CREB5: variants seen among roughly 807,000 people sequenced by gnomAD.
The protein encoded by CREB5 is cyclic AMP-responsive element-binding protein 5.
In CREB5, 19 loss-of-function variants were observed where a neutral mutation model predicts 57.1. The observed-to-expected ratio is 0.33, with a 90% CI of 0.23 to 0.49. The LOEUF (loss-of-function observed/expected upper bound fraction) is 0.49. CREB5 is among the 20% of genes least tolerant of loss of function. The pLI is 0.99. For missense variants in CREB5, 579 were observed against 671.6 expected (o/e 0.86, Z 1.52); for synonymous variants, 238 against 238.3 (o/e 1.00, Z 0.01).
At chr7:28,319,719 G>A (rs572257184) in intron 1 of CREB5, among the ~76,000 whole-genome samples, 111 of 152,146 alleles carry the variant, frequency 7.3e-4, no homozygotes, top group African/African-American at 2.6e-3. Context: ...GAGCATCCCC[G>A]AAGTCTGTGT....
intron 5 of CREB5, among the ~76,000 whole-genome samples, chr7:28,703,891 T>C (rs1351889769): frequency 6.6e-6 from 1 of 152,162 alleles, no homozygotes; most frequent in Non-Finnish European, 1.5e-5. Flanking sequence ...CAAGTTGACA[T>C]AAAACCTACC....
At chr7:28,562,801 T>G (rs1204386225) in intron 4 of CREB5, among the ~76,000 whole-genome samples, 1 of 152,264 alleles carries the variant, frequency 6.6e-6, no homozygotes, top group African/African-American at 2.4e-5. Flanking sequence ...AGATATACTG[T>G]TGTATATTTC....
intron 1 of CREB5, among the ~76,000 whole-genome samples, chr7:28,327,549 T>C (rs1474126182): frequency 6.6e-6 from 1 of 152,262 alleles, no homozygotes; most frequent in Admixed American, 6.5e-5. Flanking sequence ...TGTGTTAAGA[T>C]ACTTATTAAT....
intron 5 of CREB5, among the ~76,000 whole-genome samples, chr7:28,700,553 C>T (rs1801801533): frequency 6.6e-6 from 1 of 152,128 alleles, no homozygotes; most frequent in Admixed American, 6.5e-5. Context: ...AGCTGTGTTT[C>T]TGTTGGATCG....
intron 1 of CREB5, among the ~76,000 whole-genome samples, chr7:28,388,168 A>T (rs994739097): frequency 1.3e-5 from 2 of 152,178 alleles, no homozygotes; most frequent in Admixed American, 6.5e-5. Flanking sequence ...AGTCCACATT[A>T]GATTAATTTG....
At chr7:28,615,907 C>A (rs1239387339) in intron 5 of CREB5, 1 of 152,184 alleles carries the variant, frequency 6.6e-6, no homozygotes, top group Admixed American at 6.5e-5. Flanking sequence ...ATGTCATTGT[C>A]ACTGGTATTT....
intron 1 of CREB5, among the ~76,000 whole-genome samples, chr7:28,463,443 A>G (rs185712134): frequency 1.8e-4 from 28 of 152,316 alleles, no homozygotes; most frequent in African/African-American, 6.5e-4. Context: ...TTTTAGGATC[A>G]GTTTGCCAAT....
intron 5 of CREB5, among the ~76,000 whole-genome samples, chr7:28,703,251 G>A (rs551932892): frequency 8.5e-5 from 13 of 152,168 alleles, no homozygotes; most frequent in Non-Finnish European, 1.5e-4. Flanking sequence ...TGGCAGTAGG[G>A]ATGGAGCCAA....
At chr7:28,791,772 C>G (rs1023527760) in intron 7 of CREB5, among the ~76,000 whole-genome samples, 1 of 152,132 alleles carries the variant, frequency 6.6e-6, no homozygotes, top group African/African-American at 2.4e-5. Flanking sequence ...ATGCCATTTT[C>G]AATTAATAAA....
At chr7:28,541,823 A>C (rs561313162) in intron 4 of CREB5, among the ~76,000 whole-genome samples, 99 of 152,328 alleles carry the variant, frequency 6.5e-4, no homozygotes, top group Middle Eastern at 6.8e-3. Flanking sequence ...TTACTTAACC[A>C]GTTAACAACT....
At chr7:28,678,957 A>C (rs1800458238) in intron 5 of CREB5, among the ~76,000 whole-genome samples, 1 of 152,220 alleles carries the variant, frequency 6.6e-6, no homozygotes, top group South Asian at 2.1e-4. Flanking sequence ...TTGTGGAAAG[A>C]AATGAAACCA....
intron 2 of CREB5, among the ~76,000 whole-genome samples, chr7:28,493,513 G>A (rs1456008144): frequency 6.6e-6 from 1 of 152,176 alleles, no homozygotes; most frequent in Admixed American, 6.5e-5. Context: ...TTTTCATAAT[G>A]CCTCAGAGAT....
chr7:28,365,156 C>T (rs1786561398), intron 1 of CREB5, among the ~76,000 whole-genome samples: 1 of 152,192 alleles, frequency 6.6e-6, no homozygotes, highest in Non-Finnish European at 1.5e-5. Context: ...ATTCGTCTCT[C>T]TGGTCCTTTC....
chr7:28,312,278 G>A (rs754584170), intron 1 of CREB5, among the ~76,000 whole-genome samples: 2 of 152,090 alleles, frequency 1.3e-5, no homozygotes, highest in African/African-American at 2.4e-5. Context: ...CAACCCAAAG[G>A]CAGCCTCTTT....
chr7:28,383,322 A>G (rs1787004573), intron 1 of CREB5, among the ~76,000 whole-genome samples: 1 of 152,248 alleles, frequency 6.6e-6, no homozygotes, highest in African/African-American at 2.4e-5. Context: ...AAGTGGCAGA[A>G]GGATGGAAAA....
At chr7:28,444,947 C>G (rs1379358303) in intron 1 of CREB5, among the ~76,000 whole-genome samples, 1 of 152,098 alleles carries the variant, frequency 6.6e-6, no homozygotes, top group Non-Finnish European at 1.5e-5. Flanking sequence ...TGGCTGTGTC[C>G]CCACCCAAAT....
intron 5 of CREB5, among the ~76,000 whole-genome samples, chr7:28,623,186 T>C (rs1221691121): frequency 6.6e-6 from 1 of 152,142 alleles, no homozygotes; most frequent in Non-Finnish European, 1.5e-5. Flanking sequence ...CCTGTCCCCA[T>C]CTACTTCTTT....
At chr7:28,566,527 G>A (rs1795486952) in intron 4 of CREB5, among the ~76,000 whole-genome samples, 1 of 152,130 alleles carries the variant, frequency 6.6e-6, no homozygotes, top group Non-Finnish European at 1.5e-5. Context: ...CACTCTTTGT[G>A]TTTTTGAAAT....
intron 5 of CREB5, among the ~76,000 whole-genome samples, chr7:28,584,446 C>T (rs1024948353): frequency 6.6e-6 from 1 of 151,992 alleles, no homozygotes; most frequent in East Asian, 1.9e-4. Flanking sequence ...TGTGGAGACA[C>T]GGGGACTCAG....
Sources: allele counts gnomAD v4.1 joint callset (sites outside exome capture counted in the v4.1 genomes callset), GRCh38; gene constraint gnomAD v4.1.1; transcripts MANE v1.5; gene names NCBI Gene and HGNC (gene_info 2026-07-23, HGNC 2026-07-21).